Variants in PLXNA1 observed in about 807,000 individuals in gnomAD.
PLXNA1 encodes the protein plexin A1.
Under a neutral mutation model 191.7 loss-of-function variants are expected in PLXNA1, and 77 were observed. That is an observed-to-expected ratio of 0.40 (90% confidence interval 0.33 to 0.49). The LOEUF is 0.49. PLXNA1 is among the 20% of genes least tolerant of loss of function. The pLI is 0.63. For missense variants in PLXNA1, 2,110 were observed against 2,660.2 expected (o/e 0.79, Z 4.55); for synonymous variants, 1,137 against 1,156.4 (o/e 0.98, Z 0.34).
intron 8 of PLXNA1, among the ~76,000 whole-genome samples, chr3:127,006,540 C>T (rs1446914690): frequency 6.6e-6 from 1 of 152,200 alleles, no homozygotes; most frequent in African/African-American, 2.4e-5. Flanking sequence ...TGCAATGTTG[C>T]CACCGTGATA....
At chr3:126,985,922 C>A (rs1268014458) in intron 1 of PLXNA1, among the ~76,000 whole-genome samples, 1 of 152,198 alleles carries the variant, frequency 6.6e-6, no homozygotes, top group Non-Finnish European at 1.5e-5. Flanking sequence ...CGGGGCTCCC[C>A]CTTTCTTGGC....
rs1488084571 is a variant in PLXNA1 at position 127,017,561 on chromosome 3, T to C, written c.3413T>C (p.Val1138Ala). 1.2e-6 allele frequency: 2 copies of C among 1,613,734 alleles called. No homozygotes were observed. The highest frequency in any genetic ancestry group is 8.5e-7 in the Non-Finnish European group (1 of 1,180,000). Residue 1138 changes from valine (V) to alanine (A), a missense_variant, in exon 18 of 32, where the codon GTG becomes GCG. By Grantham distance (64) the Val-to-Ala change is moderately conservative (BLOSUM62 0). This residue lies in a region of PLXNA1 where 644 missense variants were observed against 714.3 expected (regional missense o/e 0.90). Transcript: ENST00000393409. ...FVMDNVRSLL[V>A]LNSTSFLYYP... ...ATGGACAACGTGCGCTCCCTGCTTG[T>C]GCTCAACTCCACCTCCTTCCTCTAC...
intron 21 of PLXNA1, among the ~76,000 whole-genome samples, chr3:127,021,633 A>G (rs1272451975): frequency 6.6e-6 from 1 of 151,872 alleles, no homozygotes; most frequent in African/African-American, 2.4e-5. Flanking sequence ...GTAGACATGC[A>G]CTCCTGGTAC....
At chr3:127,021,957 T>C (rs1258615951) in intron 21 of PLXNA1, 128 bp from the exon 22 acceptor site, 1 of 1,390,052 alleles carries the variant, frequency 7.2e-7, no homozygotes, top group Non-Finnish European at 9.7e-7. Flanking sequence ...AACTTGTCAC[T>C]TGCCTTCCAG....
intron 3 of PLXNA1, among the ~76,000 whole-genome samples, chr3:126,993,360 C>T (rs757166892): frequency 2.0e-5 from 3 of 152,220 alleles, no homozygotes; most frequent in Non-Finnish European, 2.9e-5. Context: ...CAAGGAGGAC[C>T]GTTCTCAGGG....
rs148301331 is a variant in PLXNA1, at chr3:126,998,582, A to G, written c.1378-4748A>G. Among the ~76,000 whole-genome samples the G allele has an allele frequency of 5.6e-3, 847 of 152,296 alleles. 5 individuals are homozygous for G. The highest frequency in any genetic ancestry group is 0.019 in the African/African-American group (773 of 41,562). On this transcript the variant is annotated intron_variant, in intron 3 of 31. Coordinates refer to ENST00000393409, the MANE Select transcript of PLXNA1 (RefSeq NM_032242.4). Reference sequence around the variant, plus strand: ...GGTGTGGCCTCACCAGCTGGGTGCTAGGTTCCCCAGGCAGCTGTGCACATC... The same window carrying G: ...GGTGTGGCCTCACCAGCTGGGTGCTGGGTTCCCCAGGCAGCTGTGCACATC...
Position 127,003,280 on chromosome 3 carries a change from G to A in PLXNA1, c.1378-50G>A, listed in dbSNP as rs769849839. 7 of 1,522,800 alleles carry A rather than the reference G, an allele frequency of 4.6e-6. No homozygotes were observed. The South Asian group carries it at 6.4e-5, about 14-fold the overall frequency. The allele number at this position is 1,522,800 out of a possible 1,614,324, so 94.3% of individuals were successfully genotyped here. Reference sequence around the variant, plus strand: ...TGACCTTCTGTGGGGGGTGGGGCTGGGTCAGGGAGGTATCAGCACAGCTCC... The same window carrying A: ...TGACCTTCTGTGGGGGGTGGGGCTGAGTCAGGGAGGTATCAGCACAGCTCC... On this transcript the variant is annotated intron_variant, in intron 3 of 31. Transcript: ENST00000393409.
rs138226536 is a variant in PLXNA1 at position 127,007,754 on chromosome 3, G to T, written c.1998-45G>T. 9.5e-6 allele frequency: 12 copies of T among 1,260,024 alleles called. No individual in the cohort carries two copies. The Admixed American group carries it at 2.1e-4, about 22-fold the overall frequency. The allele number at this position is 1,260,024 out of a possible 1,614,324, so 78.1% of individuals were successfully genotyped here. On this transcript the variant is annotated intron_variant, in intron 8 of 31. Transcript: ENST00000393409. Reference sequence around the variant, plus strand: ...TCCTTCTGATCATGGGTGACTCCACGTGGTTGCGGGTCCCCAGGCTTCAGC... The same window carrying T: ...TCCTTCTGATCATGGGTGACTCCACTTGGTTGCGGGTCCCCAGGCTTCAGC...
chr3:127,029,393 C>T (rs1199940926), intron 26 of PLXNA1, 47 bp from the exon 27 acceptor site: 3 of 1,574,876 alleles, frequency 1.9e-6, no homozygotes, highest in Non-Finnish European at 1.7e-6. Context: ...CCTGGTGGTG[C>T]AGGGGCACCC....
intron 23 of PLXNA1, among the ~76,000 whole-genome samples, chr3:127,023,275 G>C (rs1249774161): frequency 1.3e-5 from 2 of 152,228 alleles, no homozygotes; most frequent in African/African-American, 4.8e-5. Flanking sequence ...CTCAGAACAG[G>C]AACAGGGTGT....
At chr3:127,016,709 C>G in intron 16 of PLXNA1, 25 bp downstream of exon 16, 1 of 1,612,684 alleles carries the variant, frequency 6.2e-7, no homozygotes, top group Non-Finnish European at 8.5e-7. Flanking sequence ...CACCCATTCC[C>G]TATCCCCAGC....
chr3:127,003,181 A>C, intron 3 of PLXNA1, 149 bp from the exon 4 acceptor site: 1 of 808,810 alleles, frequency 1.2e-6, no homozygotes, highest in Non-Finnish European at 1.8e-6. Flanking sequence ...GGGGATGTGG[A>C]GAGTGAGTAT....
chr3:127,005,613 C>T (rs867936292), intron 7 of PLXNA1, among the ~76,000 whole-genome samples: 23 of 152,162 alleles, frequency 1.5e-4, no homozygotes, highest in African/African-American at 5.6e-4. Context: ...CCCATGGTGA[C>T]CCAGAGGGTG....
rs931267466 is a variant in PLXNA1 at position 127,018,564 on chromosome 3, A to G, written c.3895+36A>G. 4.6e-6 allele frequency: 7 copies of G among 1,537,292 alleles called. No homozygotes were observed. The South Asian group carries it at 8.0e-5, about 18-fold the overall frequency. ...GCCAGGGCTCACTGGGGCAACTGCC[A>G]CCTCCGAGCCAGGCCCTGGCCTGTC... On this transcript the variant is annotated intron_variant, in intron 20 of 31. Transcript: ENST00000393409.
Position 127,030,077 on chromosome 3 carries a change from G to A in PLXNA1, c.5061+13G>A. ...ACTGGCCACCAAGGTGGGCCTGGCT[G>A]GCAGATGGGGGCAGGGGACGCTGGG... On this transcript the variant is annotated intron_variant, in intron 28 of 31. Transcript: ENST00000393409. The A allele has an allele frequency of 6.2e-7, 1 of 1,608,898 alleles. No individual in the cohort carries two copies. Among genetic ancestry groups the A allele is most frequent in the Non-Finnish European group, 8.5e-7 (1 of 1,176,126 alleles).
At chr3:127,000,323 C>T (rs1376161829) in intron 3 of PLXNA1, among the ~76,000 whole-genome samples, 1 of 152,064 alleles carries the variant, frequency 6.6e-6, no homozygotes. Flanking sequence ...AGCTGCCCAG[C>T]TGCTGTGGGA....
chr3:127,014,667 A>ACGGGG lies in PLXNA1; in HGVS notation c.2757-37_2757-33dup, dbSNP rs765905695. 9 of 1,553,942 alleles carry ACGGGG rather than the reference A, an allele frequency of 5.8e-6. No homozygotes were observed. In the Admixed American group the frequency reaches 1.5e-4, roughly 26 times the overall value. On this transcript the variant is annotated intron_variant, in intron 13 of 31. Coordinates refer to ENST00000393409, the MANE Select transcript of PLXNA1 (RefSeq NM_032242.4). ...CTGGGTGTGTGCGGGGCGGGACGGG[A>ACGGGG]CGGGGCGGGGCTCCTGCAGCCCCTG...
At chr3:127,015,876 C>A (rs993937763) in intron 15 of PLXNA1, among the ~76,000 whole-genome samples, 1 of 152,090 alleles carries the variant, frequency 6.6e-6, no homozygotes, top group Non-Finnish European at 1.5e-5. Flanking sequence ...TCCCCGTGAC[C>A]CCCACCCAGG....
At chr3:127,007,203 G>C (rs1307712642) in intron 8 of PLXNA1, among the ~76,000 whole-genome samples, 1 of 152,150 alleles carries the variant, frequency 6.6e-6, no homozygotes, top group African/African-American at 2.4e-5. Flanking sequence ...TCTTCCTGGA[G>C]GCTGTTGAGA....
Sources: allele counts gnomAD v4.1 joint callset (sites outside exome capture counted in the v4.1 genomes callset), GRCh38; gene constraint gnomAD v4.1.1; regional missense constraint gnomAD v4.1.1; transcripts MANE v1.5; gene names NCBI Gene and HGNC (gene_info 2026-07-23, HGNC 2026-07-21).